Variants in CFAP100 observed in about 807,000 individuals in gnomAD.
CFAP100 encodes the protein cilia- and flagella-associated protein 100.
In CFAP100, 70 loss-of-function variants were observed where a neutral mutation model predicts 81.5. That is an observed-to-expected ratio of 0.86 (90% CI 0.71 to 1.05). The LOEUF (loss-of-function observed/expected upper bound fraction) is 1.05. Among genes scored for constraint, CFAP100 ranks in the 50% least tolerant of loss-of-function variants. The pLI is 0.00. For missense variants in CFAP100, 811 were observed against 776.5 expected, an observed-to-expected ratio of 1.04 and a Z score of -0.53; for synonymous variants, 341 against 314.8, an observed-to-expected ratio of 1.08 and a Z score of -0.88.
At chr3:126,407,357 G>A (rs140593556) in intron 3 of CFAP100, 105 bp downstream of exon 3, 37 of 638,024 alleles carry the variant, frequency 5.8e-5, no homozygotes, top group Non-Finnish European at 8.2e-5. Context: ...AAGGGCAGAA[G>A]GAAATGTTTC....
rs750998986 is a variant in CFAP100 at position 126,434,340 on chromosome 3, C to T, written c.1587C>T (p.Ile529=). The change falls in exon 15 of 17, where the codon ATC becomes ATT. Residue 529 remains isoleucine, a synonymous_variant. Coordinates refer to ENST00000352312, the MANE Select transcript of CFAP100 (RefSeq NM_182628.3). The stretch of plus-strand genomic sequence containing the variant: ...TGGAGCACGTGCCCCAGGTCAAGAT[C>T]GAGCAGGCCGAGAGGGCAAAGGAGA... The part of the protein sequence containing the change: ...ENLEHVPQVK[I]EQAERAKEKE... The T allele has an allele frequency of 1.8e-5, 29 of 1,613,902 alleles. No individual in the cohort carries two copies. Among genetic ancestry groups the T allele is most frequent in the East Asian group, 8.9e-5 (4 of 44,882 alleles).
intron 2 of CFAP100, among the ~76,000 whole-genome samples, chr3:126,399,830 C>T (rs920393219): frequency 1.3e-5 from 2 of 152,134 alleles, no homozygotes; most frequent in African/African-American, 4.8e-5. Context: ...GCAGCTGTAC[C>T]AGCCTCCAGC....
chr3:126,431,501 C>A (rs1254487705), intron 13 of CFAP100, among the ~76,000 whole-genome samples: 2 of 152,160 alleles, frequency 1.3e-5, no homozygotes, highest in African/African-American at 4.8e-5. Flanking sequence ...TTCTCTCACT[C>A]TCTATGGCTT....
In CFAP100 at chr3:126,419,990, C is replaced by A; in HGVS notation, c.924C>A (p.Ile308=). 6.2e-7 allele frequency: 1 copy of A among 1,613,146 alleles called. No individual in the cohort carries two copies. The highest frequency in any genetic ancestry group is 1.1e-5 in the South Asian group (1 of 91,088). Residue 308 remains isoleucine (I), a synonymous_variant, in exon 10 of 17, where the codon ATC becomes ATA. Coordinates refer to ENST00000352312, the MANE Select transcript of CFAP100 (RefSeq NM_182628.3). ...NSTPGDKGPG[I]KGKASSMWAK... ...CTTTGCTTCCTGCAGGACCAGGGAT[C>A]AAGGGCAAGGCGAGCTCCATGTGGG...
Position 126,423,645 on chromosome 3 carries a change from GTAGGTGCTAT to G in CFAP100, c.1286+2_1286+11del. 1 of 1,614,222 alleles carries G rather than the reference GTAGGTGCTAT, an allele frequency of 6.2e-7. No homozygotes were observed. Among genetic ancestry groups the G allele is most frequent in the Non-Finnish European group, 8.5e-7 (1 of 1,180,026 alleles). ...CCCTGAAACACACCCAGATCCGCATGTAGGTGCTATGCGGTGGCCAGTGGGGGCTCCCTGC... is the reference window on the plus strand; with the variant it reads ...CCCTGAAACACACCCAGATCCGCATGGCGGTGGCCAGTGGGGGCTCCCTGC... On this transcript the variant is annotated splice_donor_variant and splice_donor_5th_base_variant and intron_variant, in intron 13 of 16. Coordinates refer to ENST00000352312, the MANE Select transcript of CFAP100 (RefSeq NM_182628.3). LOFTEE classifies it high-confidence loss of function.
chr3:126,415,041 A>G (rs575654665), intron 4 of CFAP100, among the ~76,000 whole-genome samples: 45 of 152,038 alleles, frequency 3.0e-4, no homozygotes, highest in Non-Finnish European at 6.3e-4. Context: ...TGATTCCTAG[A>G]CTGGCTGAGA....
At chr3:126,433,251 C>T in intron 14 of CFAP100, 47 bp downstream of exon 14, 1 of 1,604,326 alleles carries the variant, frequency 6.2e-7, no homozygotes, top group Non-Finnish European at 8.5e-7. Context: ...AAGGAGGGAC[C>T]CTTGGGCACC....
chr3:126,400,806 A>G lies in CFAP100; in HGVS notation c.49+4757A>G, dbSNP rs149736400. Among the ~76,000 whole-genome samples the G allele has an allele frequency of 2.0e-3, 306 of 152,352 alleles. 1 individual carries two copies. The highest frequency in any genetic ancestry group is 3.4e-3 in the Middle Eastern group (1 of 294). On this transcript the variant is annotated intron_variant, in intron 2 of 16. Transcript: ENST00000352312. ...GCAGTTCCTCAAAAAGTTAAACAGT[A>G]TTAACATATGATCCAGCAATTCTAC... is the stretch of plus-strand genomic sequence containing the variant.
At chr3:126,412,067 G>A (rs1036947436) in intron 3 of CFAP100, among the ~76,000 whole-genome samples, 4 of 152,126 alleles carry the variant, frequency 2.6e-5, no homozygotes, top group African/African-American at 7.2e-5. Context: ...TCTTGGGACC[G>A]CTTTTCTGTG....
At chr3:126,404,086 C>G (rs1303447579) in intron 2 of CFAP100, among the ~76,000 whole-genome samples, 1 of 152,182 alleles carries the variant, frequency 6.6e-6, no homozygotes, top group Non-Finnish European at 1.5e-5. Flanking sequence ...GCAAAGGATA[C>G]TAATAGAATG....
At chr3:126,405,751 T>C (rs1162354604) in intron 2 of CFAP100, among the ~76,000 whole-genome samples, 7 of 152,178 alleles carry the variant, frequency 4.6e-5, no homozygotes, top group Non-Finnish European at 1.0e-4. Context: ...CAAACCTGTG[T>C]TGTTTGAAAT....
chr3:126,423,701 C>G, intron 13 of CFAP100, 57 bp downstream of exon 13: 1 of 1,598,668 alleles, frequency 6.3e-7, no homozygotes, highest in South Asian at 1.1e-5. Flanking sequence ...CTGGGATCCC[C>G]CTAGCACTGG....
At position 126,435,487 on chromosome 3, in the gene CFAP100, G is replaced by T. The variant is rs574938982; in HGVS notation, c.1629-72G>T. On this transcript the variant is annotated intron_variant, in intron 15 of 16. Transcript: ENST00000352312. ...TTGAGGGAGGACACGGCCTGGCCTGGGGACTCCGTGTGGAGATTACACAAC... is the reference window on the plus strand; with the variant it reads ...TTGAGGGAGGACACGGCCTGGCCTGTGGACTCCGTGTGGAGATTACACAAC... 484 of 1,303,320 alleles carry T rather than the reference G, an allele frequency of 3.7e-4. 8 individuals carry two copies. In the South Asian group the frequency reaches 6.1e-3, roughly 17 times the overall value. 80.7% of individuals were successfully genotyped at this position (1,303,320 alleles called of 1,614,324 possible).
chr3:126,418,138 G>A (rs2083271664), intron 5 of CFAP100: 2 of 328,260 alleles, frequency 6.1e-6, no homozygotes, highest in African/African-American at 2.1e-5. Flanking sequence ...ATTAAGTCCA[G>A]CTGGGTGAAA....
intron 13 of CFAP100, among the ~76,000 whole-genome samples, chr3:126,426,503 GCA>G: frequency 6.6e-6 from 1 of 151,092 alleles, no homozygotes; most frequent in Non-Finnish European, 1.5e-5. Context: ...TGTAATCCCA[GCA>G]CTTTGGGAGG....
At chr3:126,431,421 G>A (rs1173115235) in intron 13 of CFAP100, among the ~76,000 whole-genome samples, 1 of 152,220 alleles carries the variant, frequency 6.6e-6, no homozygotes, top group Non-Finnish European at 1.5e-5. Flanking sequence ...AGGAGAAACT[G>A]CAGGCCAATG....
intron 13 of CFAP100, among the ~76,000 whole-genome samples, chr3:126,431,432 A>G (rs1192104420): frequency 6.6e-6 from 1 of 152,216 alleles, no homozygotes; most frequent in Admixed American, 6.5e-5. Flanking sequence ...CAGGCCAATG[A>G]GATCTCTTTC....
chr3:126,409,236 C>A (rs1193849302), intron 3 of CFAP100, among the ~76,000 whole-genome samples: 1 of 152,216 alleles, frequency 6.6e-6, no homozygotes, highest in Non-Finnish European at 1.5e-5. Flanking sequence ...TCCTCTCCAG[C>A]CTCCTGTAAA....
In CFAP100 at chr3:126,416,431, A is replaced by G; in HGVS notation, c.341A>G (p.Asp114Gly). Reference sequence around the variant, plus strand: ...CTGCAGCTGGAGGACAAGCAGGAGGACCTGGAGGCGCGCGCCGAGGCCGAG... The same window carrying G: ...CTGCAGCTGGAGGACAAGCAGGAGGGCCTGGAGGCGCGCGCCGAGGCCGAG... The part of the protein sequence containing the change: ...RQLQLEDKQE[D>G]LEARAEAEHQ... Residue 114 changes from aspartate (D) to glycine (G), a missense_variant, in exon 5 of 17, where the codon GAC becomes GGC. Coordinates refer to ENST00000352312, the MANE Select transcript of CFAP100 (RefSeq NM_182628.3). 2 of 1,611,454 alleles carry G rather than the reference A, an allele frequency of 1.2e-6. No homozygotes were observed. The highest frequency in any genetic ancestry group is 1.7e-6 in the Non-Finnish European group (2 of 1,179,310).
Sources: gnomAD v4.1 joint callset for allele counts (sites outside exome capture counted in the v4.1 genomes callset) on GRCh38, gnomAD v4.1.1 for gene constraint, MANE v1.5 for transcripts, NCBI Gene and HGNC (gene_info 2026-07-23, HGNC 2026-07-21) for gene names.